The following BRCA1 variants were observed in gnomAD, a reference collection of about 807,000 sequenced individuals.
BRCA1 encodes breast cancer type 1 susceptibility protein.
BRCA1 carries 140 observed loss-of-function variants against 173.7 expected under a neutral mutation model. The observed-to-expected ratio is 0.81, with a 90% confidence interval of 0.70 to 0.93. The LOEUF (loss-of-function observed/expected upper bound fraction) is 0.93, where lower values mean the gene tolerates loss of function less well. Among genes scored for constraint, BRCA1 ranks in the 40% least tolerant of loss-of-function variants. BRCA1 has a pLI of 0.00. For missense variants in BRCA1, 1,983 were observed against 2,172.5 expected (o/e 0.91, Z 1.73); for synonymous variants, 662 against 756.0 (o/e 0.88, Z 2.04).
At chr17:43,133,519 A>T (rs1309675151) in intron 1 of BRCA1, among the ~76,000 whole-genome samples, 1 of 152,046 alleles carries the variant, frequency 6.6e-6, no homozygotes, top group Non-Finnish European at 1.5e-5. Flanking sequence ...TACCAGTGGG[A>T]TGTGAACTGT....
intron 22 of BRCA1, 120 bp from the exon 23 acceptor site, chr17:43,045,922 ATTT>A (rs375078966): frequency 2.0e-3 from 1,935 of 944,904 alleles, no homozygotes; most frequent in Non-Finnish European, 2.2e-3. Context: ...GTAGAAGCTA[ATTT>A]TTTTTTTTTT....
chr17:43,101,430 C>T (rs762925849), intron 6 of BRCA1, among the ~76,000 whole-genome samples: 1 of 151,390 alleles, frequency 6.6e-6, no homozygotes, highest in Admixed American at 6.6e-5. Flanking sequence ...CTCTAGGACT[C>T]GAGATCCACC....
intron 3 of BRCA1, chr17:43,112,634 G>A (rs2055088575): frequency 6.8e-6 from 1 of 147,870 alleles, no homozygotes. Flanking sequence ...AAATATATAT[G>A]TGTCACACAC....
rs1172466574 is a variant in BRCA1, at chr17:43,095,739, T to C, written c.670+107A>G. ...GATACTCTAACTCTGCCAAGAGATT[T>C]TGTGGGTTGTAAAGGTCCCAAATGG... On this transcript the variant is annotated intron_variant, in intron 9 of 22. Coordinates refer to ENST00000357654, the MANE Select transcript of BRCA1 (RefSeq NM_007294.4). 5 of 906,636 alleles carry C rather than the reference T, an allele frequency of 5.5e-6. No individual in the cohort carries two copies. In the East Asian group the frequency reaches 1.0e-4, roughly 19 times the overall value. 56.2% of individuals were successfully genotyped at this position (906,636 alleles called of 1,614,324 possible).
chr17:43,079,156 A>G (rs1221172840), intron 12 of BRCA1: 8 of 655,546 alleles, frequency 1.2e-5, no homozygotes, highest in Non-Finnish European at 1.9e-5. Context: ...CCTGGGCAAC[A>G]AAAGTGAAAC....
intron 18 of BRCA1, among the ~76,000 whole-genome samples, chr17:43,061,509 A>G (rs1597816545): frequency 6.6e-6 from 1 of 152,170 alleles, no homozygotes; most frequent in African/African-American, 2.4e-5. Context: ...CCACTGAATA[A>G]AAGTTAAAAC....
At chr17:43,131,617 A>T (rs528006977) in intron 1 of BRCA1, among the ~76,000 whole-genome samples, 2 of 151,810 alleles carry the variant, frequency 1.3e-5, no homozygotes, top group South Asian at 4.2e-4. Context: ...GCTACTTGGG[A>T]GGCTGAGGCA....
upstream of BRCA1, chr17:43,125,401 G>T (rs2154580305): frequency 2.5e-6 from 1 of 392,950 alleles, no homozygotes; most frequent in Non-Finnish European, 5.2e-6. Flanking sequence ...TAATTTATCT[G>T]TAATTCCCGC....
chr17:43,160,667 C>G (rs2056230504), intron 1 of BRCA1: 1 of 152,018 alleles, frequency 6.6e-6, no homozygotes, highest in Non-Finnish European at 1.5e-5. Flanking sequence ...CTTTTTCTTT[C>G]TTTGGAGGCA....
At chr17:43,137,127 T>C (rs2056031497) in intron 1 of BRCA1, among the ~76,000 whole-genome samples, 1 of 152,028 alleles carries the variant, frequency 6.6e-6, no homozygotes. Context: ...TCATGTCCTT[T>C]GTAGGGACAT....
In BRCA1 at chr17:43,091,283, G is replaced by A. The variant is rs2053460196; in HGVS notation, c.4096+152C>T. On this transcript the variant is annotated intron_variant, in intron 10 of 22. Transcript: ENST00000357654. ...AGCTGTGTGAAGGACTTTTTTCTAT[G>A]AAAAGCACCTTAGGAGGAACATGTT... The A allele has an allele frequency of 3.6e-6, 4 of 1,099,408 alleles. No homozygotes were observed. In the African/African-American group the frequency reaches 6.3e-5, roughly 17 times the overall value. The allele number at this position is 1,099,408 out of a possible 1,614,324, so 68.1% of individuals were successfully genotyped here. A position where few individuals can be genotyped will look rare whatever the true frequency, so the allele number is the denominator to read the frequency against.
At chr17:43,083,561 G>A (rs2053112426) in intron 11 of BRCA1, among the ~76,000 whole-genome samples, 1 of 152,154 alleles carries the variant, frequency 6.6e-6, no homozygotes, top group Admixed American at 6.6e-5. Context: ...ACCAGGCGCT[G>A]TCCTAGTACT....
chr17:43,167,255 A>G (rs2056274018), intron 1 of BRCA1: 1 of 152,284 alleles, frequency 6.6e-6, no homozygotes, highest in African/African-American at 2.4e-5. Flanking sequence ...ATCGAGCTGC[A>G]GACAAAACTT....
chr17:43,100,630 TGTTA>T (rs1210758498), intron 6 of BRCA1, among the ~76,000 whole-genome samples: 2 of 57,828 alleles, frequency 3.5e-5, no homozygotes, highest in African/African-American at 1.8e-4. Flanking sequence ...CATATATATA[TGTTA>T]TATATATATA....
In BRCA1 at chr17:43,061,302, G is replaced by A. The variant is rs191073269; in HGVS notation, c.5193+2031C>T. Among the ~76,000 whole-genome samples the A allele has an allele frequency of 2.6e-3, 403 of 152,184 alleles. 3 individuals are homozygous for A. The highest frequency in any genetic ancestry group is 9.1e-3 in the African/African-American group (378 of 41,518). On this transcript the variant is annotated intron_variant, in intron 18 of 22. Transcript: ENST00000357654. ...AAGGCTTTCCCTGGCCTCCTTAAAC[G>A]AAAGTAATCAACAACCTTTGACAGC...
At chr17:43,125,642 C>T (rs556228451), upstream of BRCA1, 101 of 241,608 alleles carry the variant, frequency 4.2e-4, 1 homozygote, top group African/African-American at 2.2e-3. Context: ...TCTACTCTTC[C>T]AGTTGCGGCT....
chr17:43,103,978 G>A (rs965012681), intron 6 of BRCA1, 144 bp downstream of exon 6: 28 of 1,021,630 alleles, frequency 2.7e-5, no homozygotes, highest in African/African-American at 2.1e-4. Context: ...ATGGTGGCGC[G>A]TGCCTGTAAT....
chr17:43,109,606 TGTACATAA>T (rs910213220), intron 3 of BRCA1, among the ~76,000 whole-genome samples: 2 of 152,148 alleles, frequency 1.3e-5, no homozygotes, highest in Admixed American at 1.3e-4. Flanking sequence ...CTACCTCCAC[TGTACATAA>T]GTACCTTTAA....
intron 2 of BRCA1, among the ~76,000 whole-genome samples, chr17:43,117,740 AAAT>A (rs1248066607): frequency 6.6e-5 from 10 of 152,288 alleles, no homozygotes; most frequent in African/African-American, 1.2e-4. Flanking sequence ...CTCCATCTCA[AAAT>A]AATAATAAGC....
Sources: allele counts gnomAD v4.1 joint callset (sites outside exome capture counted in the v4.1 genomes callset), GRCh38; gene constraint gnomAD v4.1.1; transcripts MANE v1.5; gene names NCBI Gene and HGNC (gene_info 2026-07-23, HGNC 2026-07-21).